Variants in ASIC2 observed in about 807,000 individuals in gnomAD.
ASIC2 encodes acid sensing ion channel subunit 2, also known as acid-sensing ion channel 2.
ASIC2 carries 25 observed loss-of-function variants against 57.3 expected under a neutral mutation model. The observed-to-expected ratio is 0.44, with a 90% CI of 0.32 to 0.61. The LOEUF (loss-of-function observed/expected upper bound fraction) is 0.61, where lower values mean the gene tolerates loss of function less well. ASIC2 is among the 20% of genes least tolerant of loss of function. The pLI, the probability that ASIC2 is intolerant of heterozygous loss-of-function variation, is 0.06. For missense variants in ASIC2, 641 were observed against 738.1 expected (o/e 0.87, Z 1.52); for synonymous variants, 319 against 307.5 (o/e 1.04, Z -0.39).
chr17:33,383,405 C>T (rs1270798473), intron 1 of ASIC2, among the ~76,000 whole-genome samples: 5 of 152,120 alleles, frequency 3.3e-5, no homozygotes, highest in East Asian at 1.9e-4. Flanking sequence ...GTAGCATGTT[C>T]GGCTCCTACC....
chr17:33,753,672 T>C (rs1323906633), intron 1 of ASIC2, among the ~76,000 whole-genome samples: 1 of 152,128 alleles, frequency 6.6e-6, no homozygotes, highest in Non-Finnish European at 1.5e-5. Context: ...CAGAAACAAC[T>C]GGATTGGTTA....
At chr17:34,044,368 G>A (rs1908258454) in intron 1 of ASIC2, among the ~76,000 whole-genome samples, 2 of 152,142 alleles carry the variant, frequency 1.3e-5, no homozygotes, top group Non-Finnish European at 2.9e-5. Context: ...GAAGTAGGAA[G>A]GAAGAACAAG....
At chr17:33,244,676 G>A (rs959930355) in intron 1 of ASIC2, among the ~76,000 whole-genome samples, 2 of 152,118 alleles carry the variant, frequency 1.3e-5, no homozygotes, top group Non-Finnish European at 2.9e-5. Flanking sequence ...GCCCCACCAC[G>A]AGACCCTTGG....
chr17:34,098,259 A>G (rs951800025), intron 1 of ASIC2, among the ~76,000 whole-genome samples: 5 of 152,164 alleles, frequency 3.3e-5, no homozygotes, highest in Non-Finnish European at 5.9e-5. Context: ...TTTCCTAACC[A>G]AGAGACATCT....
intron 1 of ASIC2, among the ~76,000 whole-genome samples, chr17:33,958,222 G>A (rs912993080): frequency 8.5e-5 from 13 of 152,164 alleles, no homozygotes; most frequent in Non-Finnish European, 1.5e-4. Flanking sequence ...CCAGGTGCAC[G>A]ATGCAAGCTG....
At chr17:33,841,616 C>T (rs1014005555) in intron 1 of ASIC2, among the ~76,000 whole-genome samples, 1 of 152,216 alleles carries the variant, frequency 6.6e-6, no homozygotes, top group Non-Finnish European at 1.5e-5. Context: ...CATACTGTCC[C>T]TTTGGAAGAG....
chr17:33,254,131 A>G (rs1330980698), intron 1 of ASIC2, among the ~76,000 whole-genome samples: 2 of 152,206 alleles, frequency 1.3e-5, no homozygotes, highest in Non-Finnish European at 2.9e-5. Context: ...CCAGCTAAGA[A>G]CATCAGAACT....
upstream of ASIC2, among the ~76,000 whole-genome samples, chr17:33,295,637 T>C (rs1165261074): frequency 6.6e-6 from 1 of 152,226 alleles, no homozygotes; most frequent in African/African-American, 2.4e-5. Flanking sequence ...ATGACCCGTT[T>C]GCAGACAGGG....
chr17:33,285,444 A>AACTC (rs1905111563), intron 1 of ASIC2, among the ~76,000 whole-genome samples: 1 of 152,210 alleles, frequency 6.6e-6, no homozygotes, highest in Non-Finnish European at 1.5e-5. Context: ...TTGGCTGAAA[A>AACTC]ACTCACGCCA....
At chr17:33,472,006 C>T (rs1397423795) in intron 1 of ASIC2, among the ~76,000 whole-genome samples, 1 of 141,934 alleles carries the variant, frequency 7.0e-6, no homozygotes, top group Non-Finnish European at 1.5e-5. Flanking sequence ...CAGGAATTTA[C>T]ACCAGGGACT....
At chr17:33,348,860 C>T (rs1033546563) in intron 1 of ASIC2, among the ~76,000 whole-genome samples, 22 of 152,004 alleles carry the variant, frequency 1.4e-4, no homozygotes, top group African/African-American at 4.1e-4. Context: ...GCAGGGATCT[C>T]ATGTGTCCCC....
At chr17:33,828,736 T>C (rs542731502) in intron 1 of ASIC2, among the ~76,000 whole-genome samples, 1 of 152,334 alleles carries the variant, frequency 6.6e-6, no homozygotes, top group African/African-American at 2.4e-5. Flanking sequence ...TTAGTTCCAC[T>C]TTGGTGTTTC....
intron 1 of ASIC2, among the ~76,000 whole-genome samples, chr17:33,647,117 G>C (rs1906765433): frequency 1.3e-5 from 2 of 152,180 alleles, no homozygotes; most frequent in South Asian, 4.1e-4. Context: ...GTCTTGAATG[G>C]TGTATGAAAA....
chr17:33,306,845 A>G (rs1185206576), intron 1 of ASIC2, among the ~76,000 whole-genome samples: 1 of 152,272 alleles, frequency 6.6e-6, no homozygotes, highest in East Asian at 1.9e-4. Context: ...GCTGTGTCAC[A>G]CAGTGTGTTA....
chr17:34,036,499 G>T (rs1023047780), intron 1 of ASIC2, among the ~76,000 whole-genome samples: 1 of 150,748 alleles, frequency 6.6e-6, no homozygotes, highest in Non-Finnish European at 1.5e-5. Flanking sequence ...TTGTGCACAC[G>T]TACCCTAAAA....
At chr17:33,969,720 G>A (rs907732523) in intron 1 of ASIC2, among the ~76,000 whole-genome samples, 2 of 152,130 alleles carry the variant, frequency 1.3e-5, no homozygotes, top group South Asian at 2.1e-4. Flanking sequence ...ATTCCTGGGG[G>A]CAGGAACTCC....
chr17:33,640,610 A>G (rs894333167), intron 1 of ASIC2, among the ~76,000 whole-genome samples: 1 of 152,252 alleles, frequency 6.6e-6, no homozygotes, highest in East Asian at 1.9e-4. Context: ...GTTCTTATTC[A>G]GTTCTTACTG....
Position 33,604,572 on chromosome 17 carries a change from C to G in ASIC2, c.556-492505G>C, listed in dbSNP as rs115415925. On this transcript the variant is annotated intron_variant, in intron 1 of 9. Coordinates refer to the ASIC2 transcript ENST00000359872. Reference sequence around the variant, plus strand: ...ATGACAGCACAACAGAATCCAGGAACTTTTGGTCCAAACTGACAGGGCATT... The same window carrying G: ...ATGACAGCACAACAGAATCCAGGAAGTTTTGGTCCAAACTGACAGGGCATT... Among the ~76,000 whole-genome samples, 1,114 of 152,266 alleles carry G rather than the reference C, an allele frequency of 7.3e-3. 18 individuals carry two copies. Among genetic ancestry groups the G allele is most frequent in the African/African-American group, 0.025 (1,052 of 41,552 alleles).
intron 1 of ASIC2, among the ~76,000 whole-genome samples, chr17:33,707,607 C>T (rs1237326058): frequency 6.6e-6 from 1 of 152,010 alleles, no homozygotes; most frequent in Non-Finnish European, 1.5e-5. Context: ...TATTTTTTAC[C>T]TCTGTGAGAA....
Sources: gnomAD v4.1 joint callset for allele counts (sites outside exome capture counted in the v4.1 genomes callset) on GRCh38, gnomAD v4.1.1 for gene constraint, MANE v1.5 for transcripts, NCBI Gene and HGNC (gene_info 2026-07-23, HGNC 2026-07-21) for gene names.